Variants in TEX2 observed in about 807,000 individuals in gnomAD.
TEX2 encodes testis-expressed protein 2.
Under a neutral mutation model 106.9 loss-of-function variants are expected in TEX2, and 53 were observed. The ratio of observed to expected loss-of-function variants is 0.50; its 90% CI spans 0.40 to 0.62. The LOEUF (loss-of-function observed/expected upper bound fraction) is 0.62. TEX2 is among the 20% of genes least tolerant of loss of function. The probability of loss-of-function intolerance (pLI) is 0.00; values close to 1 mark genes in which losing one functional copy is unlikely to be tolerated. For synonymous variants in TEX2, 523 were observed against 534.8 expected, an observed-to-expected ratio of 0.98 and a Z score of 0.30; for missense variants, 1,207 against 1,379.0, an observed-to-expected ratio of 0.88 and a Z score of 1.98.
intron 6 of TEX2, among the ~76,000 whole-genome samples, chr17:64,172,444 T>C (rs2031449631): frequency 6.6e-6 from 1 of 152,184 alleles, no homozygotes; most frequent in African/African-American, 2.4e-5. Context: ...TCCCCAGTGG[T>C]TGGTCTGCGT....
At chr17:64,247,347 C>G (rs1226542050) in intron 1 of TEX2, among the ~76,000 whole-genome samples, 1 of 151,664 alleles carries the variant, frequency 6.6e-6, no homozygotes, top group Non-Finnish European at 1.5e-5. Context: ...AGAGGCAAAC[C>G]CAAGAAAAAT....
intron 6 of TEX2, among the ~76,000 whole-genome samples, chr17:64,176,916 T>C (rs1433416769): frequency 6.6e-6 from 1 of 152,250 alleles, no homozygotes; most frequent in Non-Finnish European, 1.5e-5. Flanking sequence ...CTTAAGTAAT[T>C]TGTATTTTCC....
chr17:64,226,799 A>G (rs1555633930), intron 1 of TEX2, among the ~76,000 whole-genome samples: 1 of 152,204 alleles, frequency 6.6e-6, no homozygotes, highest in African/African-American at 2.4e-5. Flanking sequence ...TTTGCTGAAA[A>G]CTGGTATTAG....
intron 6 of TEX2, among the ~76,000 whole-genome samples, chr17:64,176,039 G>A (rs1386165792): frequency 6.6e-6 from 1 of 152,168 alleles, no homozygotes; most frequent in East Asian, 1.9e-4. Context: ...ACTGCTACTT[G>A]TTGTCTCCTG....
intron 1 of TEX2, among the ~76,000 whole-genome samples, chr17:64,253,805 C>G (rs186052869): frequency 6.6e-6 from 1 of 152,150 alleles, no homozygotes; most frequent in African/African-American, 2.4e-5. Context: ...GCACTTCCCT[C>G]GGCACCTATT....
chr17:64,172,754 C>A (rs2031465292), intron 6 of TEX2, among the ~76,000 whole-genome samples: 1 of 152,164 alleles, frequency 6.6e-6, no homozygotes, highest in Admixed American at 6.6e-5. Context: ...TAAATCTTCC[C>A]TTCAGCAAAC....
chr17:64,252,153 T>C (rs1555637079), intron 1 of TEX2, among the ~76,000 whole-genome samples: 2 of 152,110 alleles, frequency 1.3e-5, no homozygotes, highest in African/African-American at 4.8e-5. Context: ...GATGGGCAAA[T>C]GCCTTTCAAG....
chr17:64,249,668 ACT>A (rs1252972302), intron 1 of TEX2, among the ~76,000 whole-genome samples: 2 of 152,056 alleles, frequency 1.3e-5, no homozygotes, highest in Non-Finnish European at 2.9e-5. Flanking sequence ...TGCCAAAACA[ACT>A]CTATCATCTA....
chr17:64,248,197 G>C (rs1455514811), intron 1 of TEX2, among the ~76,000 whole-genome samples: 1 of 152,194 alleles, frequency 6.6e-6, no homozygotes, highest in Non-Finnish European at 1.5e-5. Flanking sequence ...CTTTATGTTA[G>C]TGAGAGAAAG....
rs1555631908 is a variant in TEX2 at position 64,213,175 on chromosome 17, T to C, written c.1043A>G (p.Glu348Gly). 1.2e-6 allele frequency: 2 copies of C among 1,614,052 alleles called. No homozygotes were observed. The highest frequency in any genetic ancestry group is 3.3e-5 in the Admixed American group (2 of 59,992). The change falls in exon 2 of 12, where the codon GAG (glutamate) becomes GGG (glycine). Residue 348 changes from glutamate (E) to glycine (G), a missense_variant. This residue lies in a region of TEX2 where 1,067 missense variants were observed against 1,193.6 expected (regional missense o/e 0.89). Coordinates refer to ENST00000584379, the MANE Select transcript of TEX2 (RefSeq NM_001288732.2). This position sits in a 1 kb window ranked among gnomAD's most constrained non-coding sequence, Gnocchi z 4.4. ...LESNNNYSIK[E>G]EECDSEGDGY... ...ATCCCCCTCAGAATCACACTCCTCC[T>C]CCTTGATGCTGTAGTTGTTATTGCT...
chr17:64,233,337 G>T (rs1444815043), intron 1 of TEX2, among the ~76,000 whole-genome samples: 1 of 152,216 alleles, frequency 6.6e-6, no homozygotes, highest in Non-Finnish European at 1.5e-5. Flanking sequence ...ACTTTGGGAG[G>T]CCAAGGTGGG....
intron 1 of TEX2, among the ~76,000 whole-genome samples, chr17:64,218,983 C>T (rs940883956): frequency 6.6e-6 from 1 of 152,184 alleles, no homozygotes; most frequent in East Asian, 1.9e-4. Context: ...AGAAGAAATT[C>T]TCTCCCCACG....
intron 5 of TEX2, among the ~76,000 whole-genome samples, chr17:64,184,225 A>G (rs921042284): frequency 6.6e-6 from 1 of 152,086 alleles, no homozygotes; most frequent in Non-Finnish European, 1.5e-5. Context: ...CCTTCTGAGT[A>G]GCTGGGACTG....
chr17:64,167,886 C>T (rs376026867), intron 7 of TEX2, among the ~76,000 whole-genome samples: 20 of 152,196 alleles, frequency 1.3e-4, no homozygotes, highest in African/African-American at 3.6e-4. Flanking sequence ...CCTGAGGCCA[C>T]GAAGCTGTGG....
intron 2 of TEX2, among the ~76,000 whole-genome samples, chr17:64,208,053 C>T (rs557310236): frequency 6.6e-6 from 1 of 152,070 alleles, no homozygotes; most frequent in East Asian, 2.0e-4. Context: ...CTTTCTACTA[C>T]TCCCTTTGCA....
intron 1 of TEX2, among the ~76,000 whole-genome samples, chr17:64,229,498 G>GT (rs1356157364): frequency 4.3e-4 from 63 of 147,914 alleles, no homozygotes; most frequent in Admixed American, 9.5e-4. Flanking sequence ...AATTGTATGG[G>GT]TTTTTTTTTT....
intron 8 of TEX2, among the ~76,000 whole-genome samples, chr17:64,157,932 C>T (rs2030705703): frequency 6.6e-6 from 1 of 152,242 alleles, no homozygotes; most frequent in South Asian, 2.1e-4. Flanking sequence ...ACTTCACTTC[C>T]ATGCCACTTT....
intron 1 of TEX2, among the ~76,000 whole-genome samples, chr17:64,227,093 G>A (rs1376137084): frequency 2.0e-5 from 3 of 152,072 alleles, no homozygotes; most frequent in Non-Finnish European, 4.4e-5. Flanking sequence ...GGGCGTGGCG[G>A]TGCGCGCCTG....
intron 1 of TEX2, among the ~76,000 whole-genome samples, chr17:64,225,304 A>G (rs550864688): frequency 2.7e-4 from 41 of 152,250 alleles, no homozygotes; most frequent in Admixed American, 2.3e-3. Context: ...AACAACAAAA[A>G]AAGAATATTG....
Sources: allele counts gnomAD v4.1 joint callset (sites outside exome capture counted in the v4.1 genomes callset), GRCh38; gene constraint gnomAD v4.1.1; regional missense constraint gnomAD v4.1.1; non-coding constraint Gnocchi (gnomAD v3.1); transcripts MANE v1.5; gene names NCBI Gene and HGNC (gene_info 2026-07-23, HGNC 2026-07-21).